The following NCAM2 variants were observed in gnomAD, a reference collection of about 807,000 sequenced individuals.
NCAM2 encodes neural cell adhesion molecule 2, also known as N-CAM-2.
Under a neutral mutation model 98.1 loss-of-function variants are expected in NCAM2, and 30 were observed. That is an observed-to-expected ratio of 0.31 (90% confidence interval 0.23 to 0.41). The LOEUF is 0.41. Among genes scored for constraint, NCAM2 ranks in the 10% least tolerant of loss-of-function variants. The probability of loss-of-function intolerance (pLI) is 1.00; values close to 1 mark genes in which losing one functional copy is unlikely to be tolerated. For missense variants in NCAM2, 867 were observed against 1,005.8 expected (o/e 0.86, Z 1.87); for synonymous variants, 368 against 342.4 (o/e 1.07, Z -0.83).
At chr21:21,113,466 C>G (rs568115559) in intron 1 of NCAM2, among the ~76,000 whole-genome samples, 1 of 151,930 alleles carries the variant, frequency 6.6e-6, no homozygotes, top group Non-Finnish European at 1.5e-5. Context: ...CTGTGGCAAA[C>G]AGATACAATA....
At chr21:20,999,707 C>G (rs997698654) in intron 1 of NCAM2, among the ~76,000 whole-genome samples, 2 of 152,106 alleles carry the variant, frequency 1.3e-5, no homozygotes, top group African/African-American at 4.8e-5. Flanking sequence ...AAAATATCCC[C>G]AAGATATTCA....
chr21:21,025,112 G>T (rs1464181833), intron 1 of NCAM2, among the ~76,000 whole-genome samples: 1 of 150,700 alleles, frequency 6.6e-6, no homozygotes, highest in Admixed American at 6.6e-5. Flanking sequence ...TTGAGATGGA[G>T]TCTCGCACTG....
intron 5 of NCAM2, among the ~76,000 whole-genome samples, chr21:21,305,556 T>G (rs1757286155): frequency 6.7e-6 from 1 of 148,666 alleles, no homozygotes; most frequent in African/African-American, 2.5e-5. Context: ...TTCAGGGATT[T>G]TTAAAATCAG....
At chr21:21,234,156 G>A (rs1470370708) in intron 1 of NCAM2, among the ~76,000 whole-genome samples, 1 of 151,714 alleles carries the variant, frequency 6.6e-6, no homozygotes, top group Non-Finnish European at 1.5e-5. Context: ...ATGTGTGAGG[G>A]ATATTTCTGC....
intron 9 of NCAM2, among the ~76,000 whole-genome samples, chr21:21,384,905 G>A (rs2076232762): frequency 6.6e-6 from 1 of 151,954 alleles, no homozygotes; most frequent in Non-Finnish European, 1.5e-5. Flanking sequence ...GGGGTATTGG[G>A]TTAGATAACC....
intron 16 of NCAM2, among the ~76,000 whole-genome samples, chr21:21,520,869 GA>G (rs1173277326): frequency 6.6e-6 from 1 of 151,436 alleles, no homozygotes; most frequent in Non-Finnish European, 1.5e-5. Flanking sequence ...TCTGTGAGTT[GA>G]AAACTCCAGG....
At chr21:21,092,853 G>A (rs1345750523) in intron 1 of NCAM2, among the ~76,000 whole-genome samples, 1 of 151,730 alleles carries the variant, frequency 6.6e-6, no homozygotes, top group Non-Finnish European at 1.5e-5. Context: ...ATATTTTTCT[G>A]TGAATGTCAT....
intron 1 of NCAM2, among the ~76,000 whole-genome samples, chr21:21,026,430 G>A (rs1284986979): frequency 2.6e-5 from 4 of 152,008 alleles, no homozygotes; most frequent in Admixed American, 6.6e-5. Context: ...AGGCCGAGGC[G>A]GGTGGATCAC....
chr21:21,462,740 AT>A (rs1348001200), intron 12 of NCAM2, among the ~76,000 whole-genome samples: 3 of 152,070 alleles, frequency 2.0e-5, no homozygotes, highest in African/African-American at 7.2e-5. Flanking sequence ...TTATATATAA[AT>A]GATGTAGAAA....
intron 1 of NCAM2, among the ~76,000 whole-genome samples, chr21:21,102,236 G>GTAGA (rs2066257730): frequency 6.6e-6 from 1 of 152,010 alleles, no homozygotes; most frequent in South Asian, 2.1e-4. Context: ...GAATGCTTAT[G>GTAGA]TAGATTGTGA....
intron 5 of NCAM2, among the ~76,000 whole-genome samples, chr21:21,297,192 G>T (rs1381204935): frequency 6.6e-6 from 1 of 151,660 alleles, no homozygotes; most frequent in African/African-American, 2.4e-5. Flanking sequence ...ATTGAGCCTG[G>T]AGGAAATGAG....
chr21:21,009,658 G>A (rs931129478), intron 1 of NCAM2, among the ~76,000 whole-genome samples: 1 of 151,936 alleles, frequency 6.6e-6, no homozygotes. Context: ...TGTCGATAAA[G>A]CAAGTATTTA....
chr21:21,523,656 A>ATAACT (rs1341089970), intron 16 of NCAM2, among the ~76,000 whole-genome samples: 1 of 152,084 alleles, frequency 6.6e-6, no homozygotes. Flanking sequence ...AGACTTAGAA[A>ATAACT]TAACTTATCA....
intron 1 of NCAM2, among the ~76,000 whole-genome samples, chr21:21,198,993 G>T (rs557752243): frequency 2.6e-5 from 4 of 152,102 alleles, no homozygotes; most frequent in African/African-American, 9.7e-5. Flanking sequence ...GTTCTGGTTT[G>T]CTGGAACAGT....
chr21:21,375,245 T>C (rs2076006892), intron 9 of NCAM2, among the ~76,000 whole-genome samples: 1 of 150,366 alleles, frequency 6.7e-6, no homozygotes, highest in Admixed American at 6.6e-5. Flanking sequence ...CCCACTGATA[T>C]ATTTGTTAAA....
chr21:21,458,564 T>C (rs1454305821), intron 12 of NCAM2, among the ~76,000 whole-genome samples: 1 of 152,176 alleles, frequency 6.6e-6, no homozygotes, highest in Non-Finnish European at 1.5e-5. Context: ...GCTTTGCCCC[T>C]TCTGCAATGT....
chr21:21,425,170 G>A (rs1469319135), intron 11 of NCAM2, among the ~76,000 whole-genome samples: 1 of 151,056 alleles, frequency 6.6e-6, no homozygotes, highest in East Asian at 1.9e-4. Context: ...TATCTTGGTG[G>A]TGTTCTAGAG....
At chr21:21,004,327 A>C (rs2064073198) in intron 1 of NCAM2, among the ~76,000 whole-genome samples, 1 of 152,156 alleles carries the variant, frequency 6.6e-6, no homozygotes, top group Admixed American at 6.5e-5. Context: ...TCACCTTATA[A>C]CTTATGATTA....
In NCAM2 at chr21:21,411,123, T is replaced by TATATGTATATATATAC. The variant is rs1569033653; in HGVS notation, c.1383+663_1383+664insTATGTATATATATACA. On this transcript the variant is annotated intron_variant, in intron 10 of 17. Coordinates refer to ENST00000400546, the MANE Select transcript of NCAM2 (RefSeq NM_004540.5). The stretch of plus-strand genomic sequence containing the variant: ...ATATACATATATATGTATATATATA[T>TATATGTATATATATAC]ACACATATATATGTATATATATATA... 6.3e-4 allele frequency among the ~76,000 whole-genome samples: 38 copies of TATATGTATATATATAC among 60,800 alleles called. 3 individuals carry two copies. Among genetic ancestry groups the TATATGTATATATATAC allele is most frequent in the African/African-American group, 2.3e-3 (37 of 16,412 alleles). The allele number at this position is 60,800 out of a possible 152,430, so 39.9% of individuals were successfully genotyped here. A position where few individuals can be genotyped will look rare whatever the true frequency, so the allele number is the denominator to read the frequency against.
Sources: allele counts gnomAD v4.1 joint callset (sites outside exome capture counted in the v4.1 genomes callset), GRCh38; gene constraint gnomAD v4.1.1; transcripts MANE v1.5; gene names NCBI Gene and HGNC (gene_info 2026-07-23, HGNC 2026-07-21).